STK32B: variants seen among roughly 807,000 people sequenced by gnomAD.
STK32B encodes serine/threonine kinase 32B.
In STK32B, 43 loss-of-function variants were observed where a neutral mutation model predicts 52.6. The ratio of observed to expected loss-of-function variants is 0.82; its 90% CI spans 0.64 to 1.05. STK32B has a LOEUF of 1.05. Among genes scored for constraint, STK32B ranks in the 50% least tolerant of loss-of-function variants. The pLI is 0.00. For missense variants in STK32B, 621 were observed against 534.6 expected (o/e 1.16, Z -1.59); for synonymous variants, 238 against 204.3 (o/e 1.17, Z -1.41).
chr4:5,179,250 A>G (rs113920340), intron 3 of STK32B, among the ~76,000 whole-genome samples: 2,139 of 152,324 alleles, frequency 0.014, 46 homozygotes, highest in African/African-American at 0.044. Flanking sequence ...CTCACTCACT[A>G]TCACGAGAAC....
chr4:5,423,962 C>T (rs898652859), intron 6 of STK32B, among the ~76,000 whole-genome samples: 1 of 152,122 alleles, frequency 6.6e-6, no homozygotes, highest in Non-Finnish European at 1.5e-5. Context: ...TACTCAGCTG[C>T]AGCTGCAGAC....
At chr4:5,110,120 A>T (rs1269563174) in intron 1 of STK32B, among the ~76,000 whole-genome samples, 1 of 152,114 alleles carries the variant, frequency 6.6e-6, no homozygotes, top group Non-Finnish European at 1.5e-5. Flanking sequence ...AACAAATGGA[A>T]AAACATCCTA....
intron 4 of STK32B, among the ~76,000 whole-genome samples, chr4:5,397,422 G>A (rs567521751): frequency 7.1e-4 from 108 of 152,292 alleles, no homozygotes; most frequent in African/African-American, 2.5e-3. Flanking sequence ...AGAAAGCAAA[G>A]CCTCAGCCTT....
At position 5,394,322 on chromosome 4, in the gene STK32B, C is replaced by T. The variant is rs1378251675; in HGVS notation, c.435-3885C>T. Among the ~76,000 whole-genome samples, 2 of 152,184 alleles carry T rather than the reference C, an allele frequency of 1.3e-5. No individual in the cohort carries two copies. The highest frequency in any genetic ancestry group is 4.8e-5 in the African/African-American group (2 of 41,442). Reference sequence around the variant, plus strand: ...GAAACATCGTCACCGCCTTCCCATCCATGCAATGCTCCTGATGCCCTTTCT... The same window carrying T: ...GAAACATCGTCACCGCCTTCCCATCTATGCAATGCTCCTGATGCCCTTTCT... On this transcript the variant is annotated intron_variant, in intron 4 of 11. Transcript: ENST00000282908. The surrounding 1 kb of genome is among the most constrained non-coding windows in gnomAD (Gnocchi z 4.2).
At chr4:5,403,824 CA>C (rs1737475037) in intron 5 of STK32B, among the ~76,000 whole-genome samples, 1 of 151,986 alleles carries the variant, frequency 6.6e-6, no homozygotes, top group Non-Finnish European at 1.5e-5. Context: ...GGGACTGTAG[CA>C]GTTGAGAAGG....
chr4:5,134,692 C>T (rs767171948), intron 1 of STK32B, among the ~76,000 whole-genome samples: 4 of 152,206 alleles, frequency 2.6e-5, no homozygotes, highest in Non-Finnish European at 5.9e-5. Flanking sequence ...ACACGCATGA[C>T]CCACCCATGT....
At chr4:5,464,351 G>A (rs1156686072) in intron 9 of STK32B, among the ~76,000 whole-genome samples, 1 of 152,226 alleles carries the variant, frequency 6.6e-6, no homozygotes, top group East Asian at 1.9e-4. Flanking sequence ...TTCCCAGCCA[G>A]CGCCACCACC....
chr4:5,456,658 G>A lies in STK32B; in HGVS notation c.667-149G>A, dbSNP rs546753293. 2.4e-5 allele frequency: 17 copies of A among 697,028 alleles called. No homozygotes were observed. The South Asian group carries it at 2.8e-4, about 11-fold the overall frequency. The allele number at this position is 697,028 out of a possible 1,614,324, so 43.2% of individuals were successfully genotyped here. A position where few individuals can be genotyped will look rare whatever the true frequency, so the allele number is the denominator to read the frequency against. Reference sequence around the variant, plus strand: ...CTGGTTACTGTTGGCACTTGGGTTCGGGCCACCTGCTCTGCCGTGAAAGAG... The same window carrying A: ...CTGGTTACTGTTGGCACTTGGGTTCAGGCCACCTGCTCTGCCGTGAAAGAG... On this transcript the variant is annotated intron_variant, in intron 7 of 11. Coordinates refer to ENST00000282908, the MANE Select transcript of STK32B (RefSeq NM_018401.3).
chr4:5,086,526 G>A (rs1419520380), intron 1 of STK32B, among the ~76,000 whole-genome samples: 1 of 152,154 alleles, frequency 6.6e-6, no homozygotes, highest in South Asian at 2.1e-4. Context: ...AAGAAAAAGA[G>A]AAAAGAGAAG....
chr4:5,298,495 A>T (rs1729354252), intron 3 of STK32B, among the ~76,000 whole-genome samples: 1 of 151,976 alleles, frequency 6.6e-6, no homozygotes, highest in Non-Finnish European at 1.5e-5. Flanking sequence ...GGTGAGGAGG[A>T]ATCTAGAGAG....
chr4:5,129,527 A>G (rs1055208285), intron 1 of STK32B, among the ~76,000 whole-genome samples: 1 of 152,228 alleles, frequency 6.6e-6, no homozygotes, highest in African/African-American at 2.4e-5. Context: ...TTTCTCTTCA[A>G]AACTTATTTG....
At chr4:5,226,143 TATC>T (rs1273292320) in intron 3 of STK32B, among the ~76,000 whole-genome samples, 1 of 152,204 alleles carries the variant, frequency 6.6e-6, no homozygotes, top group African/African-American at 2.4e-5. Flanking sequence ...GAAGAAGAAA[TATC>T]ATGTGTAAGC....
intron 3 of STK32B, among the ~76,000 whole-genome samples, chr4:5,268,774 G>A (rs1328892481): frequency 6.6e-6 from 1 of 151,992 alleles, no homozygotes; most frequent in Non-Finnish European, 1.5e-5. Context: ...GCAGCCGAAA[G>A]CAGGCTAAGG....
chr4:5,099,898 G>C lies in STK32B; in HGVS notation c.53-40007G>C, dbSNP rs1713632226. Reference sequence around the variant, plus strand: ...CCCAGCTGTTGTCCTGCAGGAACCTGAGCCAGGAGTGACCAGATGCTTGGT... The same window carrying C: ...CCCAGCTGTTGTCCTGCAGGAACCTCAGCCAGGAGTGACCAGATGCTTGGT... On this transcript the variant is annotated intron_variant, in intron 1 of 11. Transcript: ENST00000282908. Among the ~76,000 whole-genome samples, 9 of 152,018 alleles carry C rather than the reference G, an allele frequency of 5.9e-5. 1 individual carries two copies. Among genetic ancestry groups the C allele is most frequent in the Admixed American group, 5.9e-4 (9 of 15,270 alleles).
chr4:5,175,205 A>AT (rs202030883), intron 3 of STK32B, among the ~76,000 whole-genome samples: 52 of 149,840 alleles, frequency 3.5e-4, no homozygotes, highest in African/African-American at 9.1e-4. Context: ...CATTCGTCTA[A>AT]TTTTTTTTTT....
rs1716234276 is a variant in STK32B at position 5,453,683 on chromosome 4, C to A, written c.667-3124C>A. On this transcript the variant is annotated intron_variant, in intron 7 of 11. Coordinates refer to ENST00000282908, the MANE Select transcript of STK32B (RefSeq NM_018401.3). This position sits in a 1 kb window ranked among gnomAD's most constrained non-coding sequence, Gnocchi z 4.0. Reference sequence around the variant, plus strand: ...CTCTGGGAGGCTGAGACGGGCAGATCACCTGAGGTGAGGAGTTCGAGACCA... The same window carrying A: ...CTCTGGGAGGCTGAGACGGGCAGATAACCTGAGGTGAGGAGTTCGAGACCA... 1.3e-5 allele frequency among the ~76,000 whole-genome samples: 2 copies of A among 152,134 alleles called. No individual in the cohort carries two copies. The highest frequency in any genetic ancestry group is 2.9e-5 in the Non-Finnish European group (2 of 68,024).
At chr4:5,274,806 G>C (rs1186119472) in intron 3 of STK32B, among the ~76,000 whole-genome samples, 3 of 152,022 alleles carry the variant, frequency 2.0e-5, no homozygotes, top group Non-Finnish European at 4.4e-5. Flanking sequence ...GTCCACCACT[G>C]CTGTTTGCCG....
chr4:5,019,396 G>A, the STK32B span: 49 of 1,492,234 alleles, frequency 3.3e-5, no homozygotes, highest in Non-Finnish European at 3.5e-5. Flanking sequence ...CGCGGCGGGG[G>A]CTCCCGCCAG....
intron 6 of STK32B, 104 bp from the exon 7 acceptor site, chr4:5,446,569 A>AC (rs1394384054): frequency 3.3e-5 from 35 of 1,064,436 alleles, no homozygotes; most frequent in African/African-American, 1.1e-4. Flanking sequence ...AAAAAAACAA[A>AC]AAAAAAAAAA....
Sources: gnomAD v4.1 joint callset for allele counts (sites outside exome capture counted in the v4.1 genomes callset) on GRCh38, gnomAD v4.1.1 for gene constraint, Gnocchi (gnomAD v3.1) non-coding constraint, MANE v1.5 for transcripts, NCBI Gene and HGNC (gene_info 2026-07-23, HGNC 2026-07-21) for gene names.